Variants in VASH2 observed in about 807,000 individuals in gnomAD.
The protein encoded by VASH2 is vasohibin 2, also known as tubulinyl-Tyr carboxypeptidase 2.
VASH2 carries 28 observed loss-of-function variants against 37.2 expected under a neutral mutation model. The observed-to-expected ratio is 0.75, with a 90% CI of 0.56 to 1.03. The LOEUF is 1.03. Ranked by LOEUF, VASH2 falls within the 50% of genes least tolerant of loss-of-function variation. The pLI is 0.00. For synonymous variants in VASH2, 188 were observed against 174.7 expected (o/e 1.08, Z -0.60); for missense variants, 419 against 459.1 (o/e 0.91, Z 0.80).
rs1327648797 is a variant in VASH2, at chr1:212,975,782, C to T, written c.995+1712C>T. ...GAGGGCTGAGTCATTCCCTGAGGAG[C>T]TCCCAATCTTCAGCAAATGTCGAGC... On this transcript the variant is annotated intron_variant, in intron 7 of 7. Coordinates refer to ENST00000517399, the MANE Select transcript of VASH2 (RefSeq NM_001301056.2). Among the ~76,000 whole-genome samples the T allele has an allele frequency of 2.6e-5, 4 of 152,202 alleles. No individual in the cohort carries two copies. In the East Asian group the frequency reaches 7.7e-4, roughly 29 times the overall value.
At chr1:212,970,708 T>C (rs1036305208) in intron 5 of VASH2, among the ~76,000 whole-genome samples, 50 of 151,856 alleles carry the variant, frequency 3.3e-4, no homozygotes, top group African/African-American at 1.1e-3. Context: ...TGACCAACAT[T>C]GTGAAACCCC....
At chr1:212,958,210 C>T (rs969336772) in intron 2 of VASH2, among the ~76,000 whole-genome samples, 10 of 152,164 alleles carry the variant, frequency 6.6e-5, no homozygotes, top group African/African-American at 2.2e-4. Flanking sequence ...GAAGTGGACC[C>T]TCCAGGCTGA....
intron 5 of VASH2, chr1:212,967,117 C>T (rs1312390249): frequency 7.7e-7 from 1 of 1,304,494 alleles, no homozygotes. Context: ...TTGACAGAAC[C>T]CACAGCTAAA....
At position 212,951,625 on chromosome 1, in the gene VASH2, G is replaced by A. The variant is rs1239270181; in HGVS notation, c.83G>A (p.Arg28Gln). 11 of 1,567,948 alleles carry A rather than the reference G, an allele frequency of 7.0e-6. No individual in the cohort carries two copies. The highest frequency in any genetic ancestry group is 1.9e-5 in the Admixed American group (1 of 52,396). Residue 28 changes from arginine (R) to glutamine (Q), a missense_variant, in exon 2 of 8, where the codon CGG becomes CAG. By Grantham distance (43) the Arg-to-Gln change is conservative. Coordinates refer to ENST00000517399, the MANE Select transcript of VASH2 (RefSeq NM_001301056.2). The surrounding 1 kb of genome is among the most constrained non-coding windows in gnomAD (Gnocchi z 4.4). ...ACCCGGTCCCGGAGCAGCCACGCGC[G>A]GCCCGTGAGCCTCGCCACCAGCGGG... ...KGTRSRSSHA[R>Q]PVSLATSGGS...
Position 212,951,792 on chromosome 1 carries a change from A to T in VASH2, c.250A>T (p.Ile84Phe), listed in dbSNP as rs1666318115. The T allele has an allele frequency of 6.2e-7, 1 of 1,607,432 alleles. No homozygotes were observed. The highest frequency in any genetic ancestry group is 8.5e-7 in the Non-Finnish European group (1 of 1,178,448). ...HPKGGEMVGA[I>F]RNAAFLAKPS... ...TAAGGGGGGAGAAATGGTGGGCGCC[A>T]TCAGGAACGCCGCCTTCTTGGCAAA... Residue 84 changes from isoleucine (I) to phenylalanine (F), a missense_variant, in exon 2 of 8, where the codon ATC becomes TTC. By Grantham distance (21) the Ile-to-Phe change is conservative. Transcript: ENST00000517399. The surrounding 1 kb of genome is among the most constrained non-coding windows in gnomAD (Gnocchi z 4.4).
chr1:212,982,791 T>C (rs1425277769), intron 7 of VASH2, among the ~76,000 whole-genome samples: 1 of 152,196 alleles, frequency 6.6e-6, no homozygotes, highest in Non-Finnish European at 1.5e-5. Flanking sequence ...TTTCTTCTCC[T>C]GGGTTCTGGG....
At chr1:212,961,624 AT>A (rs1220115996) in intron 3 of VASH2, among the ~76,000 whole-genome samples, 1 of 151,490 alleles carries the variant, frequency 6.6e-6, no homozygotes, top group Non-Finnish European at 1.5e-5. Context: ...TCTTTTTGAC[AT>A]GAGGACTTGC....
chr1:212,950,918 G>T lies in VASH2; in HGVS notation c.-205+178G>T, dbSNP rs1299501724. Among the ~76,000 whole-genome samples the T allele has an allele frequency of 3.3e-5, 5 of 152,268 alleles. No individual in the cohort carries two copies. ...AAAGCGGGCCGCCTTGCAAGCCAAG[G>T]CTGCTGCAGCGCCCTCGCGCCAGCT... On this transcript the variant is annotated intron_variant, in intron 1 of 7. Coordinates refer to ENST00000517399, the MANE Select transcript of VASH2 (RefSeq NM_001301056.2). The surrounding 1 kb of genome is among the most constrained non-coding windows in gnomAD (Gnocchi z 5.5).
At chr1:212,969,080 C>T (rs1226193709) in intron 5 of VASH2, 2 of 985,302 alleles carry the variant, frequency 2.0e-6, no homozygotes, top group Non-Finnish European at 2.4e-6. Flanking sequence ...TTGTTCTTAT[C>T]CTTCTGACAT....
In VASH2 at chr1:212,951,788, C is replaced by G; in HGVS notation, c.246C>G (p.Gly82=). Residue 82 remains glycine, a synonymous_variant, in exon 2 of 8, where the codon GGC becomes GGG. Transcript: ENST00000517399. This position sits in a 1 kb window ranked among gnomAD's most constrained non-coding sequence, Gnocchi z 4.4. ...KVHPKGGEMV[G]AIRNAAFLAK... ...ACCCTAAGGGGGGAGAAATGGTGGG[C>G]GCCATCAGGAACGCCGCCTTCTTGG... The G allele has an allele frequency of 6.2e-7, 1 of 1,607,494 alleles. No homozygotes were observed. Among genetic ancestry groups the G allele is most frequent in the South Asian group, 1.1e-5 (1 of 89,168 alleles).
At chr1:212,955,809 C>T (rs74722206) in intron 2 of VASH2, among the ~76,000 whole-genome samples, 1,552 of 152,286 alleles carry the variant, frequency 0.01, 25 homozygotes, top group African/African-American at 0.036. Context: ...TGTCCCTGCC[C>T]GCTGCCACCT....
At position 212,968,866 on chromosome 1, in the gene VASH2, T is replaced by C. The variant is rs1032913679; in HGVS notation, c.497+2521T>C. The C allele has an allele frequency of 7.1e-6, 7 of 985,314 alleles. No homozygotes were observed. The African/African-American group carries it at 1.0e-4, about 15-fold the overall frequency. 61.0% of individuals were successfully genotyped at this position (985,314 alleles called of 1,614,324 possible). The stretch of plus-strand genomic sequence containing the variant: ...GGTAGACAAGCTAACTTCAGACTCT[T>C]TGTTGAGGGGTGTCTGAGTGCCTCT... On this transcript the variant is annotated intron_variant, in intron 5 of 7. Coordinates refer to ENST00000517399, the MANE Select transcript of VASH2 (RefSeq NM_001301056.2).
intron 7 of VASH2, among the ~76,000 whole-genome samples, chr1:212,979,508 C>A (rs890228457): frequency 3.3e-5 from 5 of 152,290 alleles, no homozygotes; most frequent in Admixed American, 3.3e-4. Flanking sequence ...GGGTCCCAGT[C>A]CCTGTCTGCC....
At position 212,965,121 on chromosome 1, in the gene VASH2, A is replaced by C. The variant is rs531176723; in HGVS notation, c.366-601A>C. ...TTTTTAGTAGAGACTGGATTTTGCCATGTTGGCCAGGCTGGTGTCGAACTC... is the reference window on the plus strand; with the variant it reads ...TTTTTAGTAGAGACTGGATTTTGCCCTGTTGGCCAGGCTGGTGTCGAACTC... On this transcript the variant is annotated intron_variant, in intron 3 of 7. Transcript: ENST00000517399. 4.6e-5 allele frequency among the ~76,000 whole-genome samples: 7 copies of C among 152,300 alleles called. No homozygotes were observed. The East Asian group carries it at 7.7e-4, about 17-fold the overall frequency.
At chr1:212,977,604 G>C (rs557826688) in intron 7 of VASH2, among the ~76,000 whole-genome samples, 4 of 152,112 alleles carry the variant, frequency 2.6e-5, no homozygotes, top group Non-Finnish European at 5.9e-5. Flanking sequence ...CATACATGAG[G>C]AGGTAGAAGT....
In VASH2 at chr1:212,966,317, A is replaced by G; in HGVS notation, c.469A>G (p.Lys157Glu). ...AATGACCCGAGAGTCCTTGCCTATC[A>G]AATGCCTTGAAGCTGTCATCCTGGG... ...KEMTRESLPIKCLEAVILGIY... is the reference protein window; with the variant it reads ...KEMTRESLPIECLEAVILGIY... Residue 157 changes from lysine to glutamate, a missense_variant, in exon 5 of 8, where the codon AAA (lysine) becomes GAA (glutamate). This residue lies in a region of VASH2 where 84 missense variants were observed against 129.9 expected (regional missense o/e 0.65). Coordinates refer to ENST00000517399, the MANE Select transcript of VASH2 (RefSeq NM_001301056.2). 6.4e-7 allele frequency: 1 copy of G among 1,551,736 alleles called. No individual in the cohort carries two copies. Among genetic ancestry groups the G allele is most frequent in the Non-Finnish European group, 8.7e-7 (1 of 1,147,000 alleles).
rs1017289873 is a variant in VASH2 at position 212,950,731 on chromosome 1, C to G, written c.-214C>G. The stretch of plus-strand genomic sequence containing the variant: ...AGAGGCTCTGCAGCCATGAAGCCAA[C>G]CGTCCCGAGGTAGGATCTTGGAGCT... On this transcript the variant is annotated 5_prime_UTR_variant, in exon 1 of 8. Coordinates refer to ENST00000517399, the MANE Select transcript of VASH2 (RefSeq NM_001301056.2). This position sits in a 1 kb window ranked among gnomAD's most constrained non-coding sequence, Gnocchi z 5.5. 2.6e-5 allele frequency: 4 copies of G among 154,336 alleles called. 1 individual carries two copies. The highest frequency in any genetic ancestry group is 9.6e-5 in the African/African-American group (4 of 41,586). 9.6% of individuals were successfully genotyped at this position (154,336 alleles called of 1,614,324 possible). A position where few individuals can be genotyped will look rare whatever the true frequency, so the allele number is the denominator to read the frequency against.
rs532107502 is a variant in VASH2, at chr1:212,950,949, C to A, written c.-205+209C>A. 6.6e-6 allele frequency among the ~76,000 whole-genome samples: 1 copy of A among 152,356 alleles called. No individual in the cohort carries two copies. Among genetic ancestry groups the A allele is most frequent in the East Asian group, 1.9e-4 (1 of 5,170 alleles). Reference sequence around the variant, plus strand: ...GCAGCGCCCTCGCGCCAGCTCTGGGCGCTCACATGCCAGCACGTTCGTGGC... The same window carrying A: ...GCAGCGCCCTCGCGCCAGCTCTGGGAGCTCACATGCCAGCACGTTCGTGGC... On this transcript the variant is annotated intron_variant, in intron 1 of 7. Transcript: ENST00000517399. The surrounding 1 kb of genome is among the most constrained non-coding windows in gnomAD (Gnocchi z 5.5).
At chr1:212,956,321 C>T (rs3010785) in intron 2 of VASH2, among the ~76,000 whole-genome samples, 59,872 of 151,770 alleles carry the variant, frequency 0.39, 12,569 homozygotes, top group South Asian at 0.51. Flanking sequence ...TCCACTCCCT[C>T]CTCCTGCCCC....
Sources: allele counts gnomAD v4.1 joint callset (sites outside exome capture counted in the v4.1 genomes callset), GRCh38; gene constraint gnomAD v4.1.1; regional missense constraint gnomAD v4.1.1; non-coding constraint Gnocchi (gnomAD v3.1); transcripts MANE v1.5; gene names NCBI Gene and HGNC (gene_info 2026-07-23, HGNC 2026-07-21).